KIF6: variants seen among roughly 807,000 people sequenced by gnomAD.
KIF6 encodes kinesin-like protein KIF6.
KIF6 carries 106 observed loss-of-function variants against 112.7 expected under a neutral mutation model. That is an observed-to-expected ratio of 0.94 (90% CI 0.80 to 1.11). The LOEUF is 1.11. Among genes scored for constraint, KIF6 ranks in the 50% least tolerant of loss-of-function variants. The pLI, the probability that KIF6 is intolerant of heterozygous loss-of-function variation, is 0.00. For synonymous variants in KIF6, 339 were observed against 339.9 expected (o/e 1.00, Z 0.03); for missense variants, 929 against 964.0 (o/e 0.96, Z 0.48).
At chr6:39,360,361 C>T in intron 18 of KIF6, 34 bp downstream of exon 18, 13 of 1,612,384 alleles carry the variant, frequency 8.1e-6, no homozygotes, top group Non-Finnish European at 1.0e-5. Context: ...TGACTGGCCC[C>T]TCCCCAGCTT....
At chr6:39,705,748 C>T (rs868172379) in intron 3 of KIF6, among the ~76,000 whole-genome samples, 68 of 152,306 alleles carry the variant, frequency 4.5e-4, no homozygotes, top group African/African-American at 1.5e-3. Flanking sequence ...GGTGGGACAA[C>T]TCTGAGACAT....
intron 15 of KIF6, among the ~76,000 whole-genome samples, chr6:39,413,310 C>A (rs1321744523): frequency 6.6e-6 from 1 of 152,124 alleles, no homozygotes; most frequent in Non-Finnish European, 1.5e-5. Context: ...CTATTTCAGG[C>A]CATAGATAAA....
At position 39,708,116 on chromosome 6, in the gene KIF6, G is replaced by A. The variant is rs190268171; in HGVS notation, c.251+6576C>T. 4.5e-3 allele frequency among the ~76,000 whole-genome samples: 678 copies of A among 152,232 alleles called. 3 individuals carry two copies. Among genetic ancestry groups the A allele is most frequent in the Non-Finnish European group, 6.3e-3 (429 of 68,004 alleles). ...GAACTGGGTGTGCTAGGCAACCCACGGCATTATCAGCAAAGCCTGTTTCCT... is the reference window on the plus strand; with the variant it reads ...GAACTGGGTGTGCTAGGCAACCCACAGCATTATCAGCAAAGCCTGTTTCCT... On this transcript the variant is annotated intron_variant, in intron 3 of 22. Coordinates refer to ENST00000287152, the MANE Select transcript of KIF6 (RefSeq NM_145027.6).
At chr6:39,702,966 C>T (rs1425084087) in intron 3 of KIF6, among the ~76,000 whole-genome samples, 1 of 151,590 alleles carries the variant, frequency 6.6e-6, no homozygotes, top group East Asian at 1.9e-4. Flanking sequence ...ATCTGGAGCA[C>T]AGGAGAAAAA....
intron 13 of KIF6, among the ~76,000 whole-genome samples, chr6:39,440,652 C>T (rs971988132): frequency 6.6e-5 from 10 of 152,140 alleles, no homozygotes; most frequent in African/African-American, 2.2e-4. Flanking sequence ...ACTGAGGTCC[C>T]TGAGTGTGTG....
At chr6:39,401,836 T>C (rs537074883) in intron 15 of KIF6, among the ~76,000 whole-genome samples, 1 of 152,198 alleles carries the variant, frequency 6.6e-6, no homozygotes, top group Non-Finnish European at 1.5e-5. Context: ...AAAATATTAC[T>C]ACTGCCTGTA....
At chr6:39,424,946 T>A (rs1770653219) in intron 14 of KIF6, among the ~76,000 whole-genome samples, 1 of 152,182 alleles carries the variant, frequency 6.6e-6, no homozygotes, top group South Asian at 2.1e-4. Flanking sequence ...TGAGGGTGAA[T>A]CTGACGTTAA....
intron 13 of KIF6, among the ~76,000 whole-genome samples, chr6:39,487,569 A>C (rs11969059): frequency 0.061 from 9,254 of 152,226 alleles, 503 homozygotes; most frequent in East Asian, 0.25. Flanking sequence ...ACAGGTGTCA[A>C]TGCCAAGAGT....
At chr6:39,527,187 G>A (rs1457894447) in intron 13 of KIF6, among the ~76,000 whole-genome samples, 1 of 152,194 alleles carries the variant, frequency 6.6e-6, no homozygotes, top group Non-Finnish European at 1.5e-5. Flanking sequence ...GGAAGCACCA[G>A]CTCCACTGTT....
chr6:39,368,798 G>T (rs566311140), intron 16 of KIF6, among the ~76,000 whole-genome samples: 1 of 152,314 alleles, frequency 6.6e-6, no homozygotes, highest in Non-Finnish European at 1.5e-5. Flanking sequence ...AAATTTCCAA[G>T]CATTCACCAA....
At chr6:39,703,976 G>T (rs1015126429) in intron 3 of KIF6, among the ~76,000 whole-genome samples, 1 of 151,944 alleles carries the variant, frequency 6.6e-6, no homozygotes, top group Non-Finnish European at 1.5e-5. Flanking sequence ...AAATATCTTT[G>T]GTTTATTTGT....
intron 7 of KIF6, among the ~76,000 whole-genome samples, chr6:39,589,877 G>A (rs1032904529): frequency 6.6e-6 from 1 of 152,170 alleles, no homozygotes; most frequent in Non-Finnish European, 1.5e-5. Context: ...AATAAACCAT[G>A]CTTCTTAAAA....
intron 15 of KIF6, among the ~76,000 whole-genome samples, chr6:39,416,589 T>C (rs1769939576): frequency 6.6e-6 from 1 of 152,168 alleles, no homozygotes; most frequent in South Asian, 2.1e-4. Flanking sequence ...CAAAAAGGAG[T>C]TTGTGGCAAG....
At chr6:39,691,112 A>T (rs1316229467) in intron 3 of KIF6, 1 of 152,166 alleles carries the variant, frequency 6.6e-6, no homozygotes, top group Admixed American at 6.5e-5. Context: ...TATATTTTTC[A>T]TTTTCTAAAT....
intron 15 of KIF6, among the ~76,000 whole-genome samples, chr6:39,395,455 T>C (rs1768191248): frequency 6.6e-6 from 1 of 152,252 alleles, no homozygotes; most frequent in African/African-American, 2.4e-5. Flanking sequence ...ATTGTGTTGG[T>C]ATCTATTCAA....
At chr6:39,460,077 A>T (rs1051019950) in intron 13 of KIF6, among the ~76,000 whole-genome samples, 3 of 149,842 alleles carry the variant, frequency 2.0e-5, no homozygotes, top group Admixed American at 1.3e-4. Context: ...ATGCACACGT[A>T]TGTTTATTGT....
intron 3 of KIF6, chr6:39,691,877 G>A (rs775310081): frequency 6.6e-6 from 1 of 152,176 alleles, no homozygotes; most frequent in Non-Finnish European, 1.5e-5. Context: ...GATAGAAAAT[G>A]AGATATGAAT....
intron 6 of KIF6, among the ~76,000 whole-genome samples, chr6:39,597,631 T>G (rs1231611156): frequency 6.6e-6 from 1 of 152,152 alleles, no homozygotes; most frequent in Admixed American, 6.6e-5. Context: ...CAGAATAGAT[T>G]AAAGCTTTAA....
chr6:39,571,227 C>T (rs535209884), intron 10 of KIF6, among the ~76,000 whole-genome samples: 1 of 152,270 alleles, frequency 6.6e-6, no homozygotes, highest in African/African-American at 2.4e-5. Flanking sequence ...ATTGATTCTT[C>T]ATTAACAAGA....
Sources: allele counts gnomAD v4.1 joint callset (sites outside exome capture counted in the v4.1 genomes callset), GRCh38; gene constraint gnomAD v4.1.1; transcripts MANE v1.5; gene names NCBI Gene and HGNC (gene_info 2026-07-23, HGNC 2026-07-21).